The following IFT56 variants were observed in gnomAD, a reference collection of about 807,000 sequenced individuals.
IFT56 encodes the protein intraflagellar transport 56.
At chr7:139,175,345 A>G in the IFT56 span, among the ~76,000 whole-genome samples, 6 of 152,230 alleles carry the variant, frequency 3.9e-5, no homozygotes, top group Non-Finnish European at 8.8e-5. Context: ...TAGGATGACC[A>G]TATGATACAG....
At chr7:139,152,488 C>T in the IFT56 span, among the ~76,000 whole-genome samples, 1 of 152,228 alleles carries the variant, frequency 6.6e-6, no homozygotes, top group Non-Finnish European at 1.5e-5. Flanking sequence ...TCTGTAATTA[C>T]ATTATATTTT....
chr7:139,136,737 T>A, the IFT56 span, among the ~76,000 whole-genome samples: 1 of 152,160 alleles, frequency 6.6e-6, no homozygotes, highest in Non-Finnish European at 1.5e-5. Flanking sequence ...CCCAAAATGC[T>A]GGGATTACAG....
At chr7:139,156,232 G>T in the IFT56 span, among the ~76,000 whole-genome samples, 2 of 151,776 alleles carry the variant, frequency 1.3e-5, no homozygotes, top group Admixed American at 6.6e-5. Flanking sequence ...TGAGTTTGTT[G>T]TTTTTTTCTT....
chr7:139,134,869 T>G, the IFT56 span: 1 of 1,483,230 alleles, frequency 6.7e-7, no homozygotes, highest in Non-Finnish European at 9.1e-7. Flanking sequence ...TGCTGTTTGC[T>G]ATGCTCTTGA....
At chr7:139,169,857 T>TA in the IFT56 span, among the ~76,000 whole-genome samples, 7 of 151,794 alleles carry the variant, frequency 4.6e-5, no homozygotes, top group African/African-American at 1.5e-4. Context: ...TAAGTAATAA[T>TA]AAAAAAATCA....
the IFT56 span, among the ~76,000 whole-genome samples, chr7:139,149,547 C>T: frequency 5.9e-5 from 9 of 152,038 alleles, no homozygotes; most frequent in African/African-American, 1.9e-4. Context: ...ATGCCATGCT[C>T]TCTTACCACC....
At chr7:139,164,443 A>G in the IFT56 span, among the ~76,000 whole-genome samples, 61 of 152,320 alleles carry the variant, frequency 4.0e-4, no homozygotes, top group Non-Finnish European at 6.5e-4. Context: ...AGTTCTTATG[A>G]AGAGGAAAAG....
At chr7:139,179,112 G>T in the IFT56 span, among the ~76,000 whole-genome samples, 1 of 152,262 alleles carries the variant, frequency 6.6e-6, no homozygotes, top group East Asian at 1.9e-4. Flanking sequence ...GGGCGAGCTG[G>T]CTCACACCTA....
At chr7:139,149,524 G>C in the IFT56 span, among the ~76,000 whole-genome samples, 1 of 151,858 alleles carries the variant, frequency 6.6e-6, no homozygotes, top group Non-Finnish European at 1.5e-5. Context: ...TCCAACCACT[G>C]AATTTGTTCC....
chr7:139,166,554 A>G, the IFT56 span, among the ~76,000 whole-genome samples: 1 of 145,602 alleles, frequency 6.9e-6, no homozygotes, highest in African/African-American at 2.7e-5. Flanking sequence ...TAAAGAAATC[A>G]TTGCTTTTCT....
the IFT56 span, among the ~76,000 whole-genome samples, chr7:139,174,881 G>A: frequency 6.6e-6 from 1 of 151,996 alleles, no homozygotes; most frequent in African/African-American, 2.4e-5. Flanking sequence ...AATTAGCTGG[G>A]CATGGTGGTG....
chr7:139,142,370 T>C, the IFT56 span: 1 of 1,340,008 alleles, frequency 7.5e-7, no homozygotes, highest in South Asian at 1.2e-5. Context: ...TCCTTCTTGT[T>C]ACTAACACTA....
At chr7:139,150,657 T>G in the IFT56 span, among the ~76,000 whole-genome samples, 1 of 152,200 alleles carries the variant, frequency 6.6e-6, no homozygotes, top group African/African-American at 2.4e-5. Context: ...TATTATAATT[T>G]TAATAAACTA....
chr7:139,172,558 G>A, the IFT56 span: 2 of 543,234 alleles, frequency 3.7e-6, no homozygotes, highest in Admixed American at 2.1e-5. Flanking sequence ...GCACCTCACA[G>A]GCAGCGACAC....
At chr7:139,170,746 A>G in the IFT56 span, among the ~76,000 whole-genome samples, 8 of 152,248 alleles carry the variant, frequency 5.3e-5, no homozygotes, top group Non-Finnish European at 1.2e-4. Context: ...AGCTAGTATC[A>G]TATTGAATGG....
chr7:139,135,272 C>T, the IFT56 span, among the ~76,000 whole-genome samples: 1 of 117,356 alleles, frequency 8.5e-6, no homozygotes, highest in Non-Finnish European at 1.6e-5. Flanking sequence ...GGCGAGACTC[C>T]GTCTCAAAAA....
the IFT56 span, among the ~76,000 whole-genome samples, chr7:139,175,922 C>T: frequency 5.3e-5 from 8 of 152,048 alleles, no homozygotes; most frequent in African/African-American, 9.7e-5. Flanking sequence ...CTCCGCCTCC[C>T]GGGTTCAAGC....
chr7:139,175,982 C>G, the IFT56 span, among the ~76,000 whole-genome samples: 1 of 151,830 alleles, frequency 6.6e-6, no homozygotes, highest in Non-Finnish European at 1.5e-5. Flanking sequence ...GGCGCCCGCA[C>G]CACGCCCGGT....
the IFT56 span, among the ~76,000 whole-genome samples, chr7:139,139,438 C>G: frequency 6.6e-6 from 1 of 152,050 alleles, no homozygotes; most frequent in Non-Finnish European, 1.5e-5. Flanking sequence ...GCAGGAAAAA[C>G]AAAACATTTA....
Sources: gnomAD v4.1 joint callset for allele counts (sites outside exome capture counted in the v4.1 genomes callset) on GRCh38, gnomAD v4.1.1 for gene constraint, MANE v1.5 for transcripts, NCBI Gene and HGNC (gene_info 2026-07-23, HGNC 2026-07-21) for gene names.